Variants in COMMD1 observed in about 807,000 individuals in gnomAD.
COMMD1 encodes copper metabolism domain containing 1, also known as COMM domain-containing protein 1.
A neutral mutation model predicts 17.2 loss-of-function variants in COMMD1; 10 were observed. The ratio of observed to expected loss-of-function variants is 0.58; its 90% CI spans 0.36 to 0.99. The LOEUF (loss-of-function observed/expected upper bound fraction) is 0.99, where lower values mean the gene tolerates loss of function less well. COMMD1 is among the 50% of genes least tolerant of loss of function. COMMD1 has a pLI of 0.01. For synonymous variants in COMMD1, 97 were observed against 91.6 expected (o/e 1.06, Z -0.34); for missense variants, 270 against 231.8 (o/e 1.17, Z -1.07).
intron 1 of COMMD1, among the ~76,000 whole-genome samples, chr2:61,960,882 C>T (rs1221755901): frequency 1.3e-5 from 2 of 152,196 alleles, no homozygotes; most frequent in African/African-American, 2.4e-5. Flanking sequence ...GGCCCTCGGG[C>T]GAGGTTACCT....
At chr2:62,024,189 G>A (rs1193871743) in intron 2 of COMMD1, among the ~76,000 whole-genome samples, 1 of 152,034 alleles carries the variant, frequency 6.6e-6, no homozygotes, top group Non-Finnish European at 1.5e-5. Context: ...GTGATGAAAG[G>A]TGTTCACGGT....
chr2:61,996,179 C>T (rs1038314241), intron 1 of COMMD1, among the ~76,000 whole-genome samples: 2 of 152,266 alleles, frequency 1.3e-5, no homozygotes, highest in African/African-American at 4.8e-5. Flanking sequence ...GCCTGAGTAA[C>T]AGAGACCCCA....
intron 1 of COMMD1, among the ~76,000 whole-genome samples, chr2:61,948,085 CTGAAGACAT>C (rs1457424523): frequency 6.6e-6 from 1 of 151,998 alleles, no homozygotes; most frequent in African/African-American, 2.4e-5. Flanking sequence ...TTGGAAAACT[CTGAAGACAT>C]TGAAGACATA....
chr2:62,091,518 A>G (rs1238687958), intron 2 of COMMD1, among the ~76,000 whole-genome samples: 1 of 152,228 alleles, frequency 6.6e-6, no homozygotes, highest in Non-Finnish European at 1.5e-5. Context: ...ATCCCAGACA[A>G]TTGTTAGGTG....
intron 2 of COMMD1, among the ~76,000 whole-genome samples, chr2:62,109,280 A>T (rs991994803): frequency 3.3e-5 from 5 of 152,132 alleles, no homozygotes; most frequent in African/African-American, 4.8e-5. Context: ...CATTCTGTAA[A>T]CCCTGATATC....
chr2:62,048,361 A>AT (rs999991810), intron 2 of COMMD1, among the ~76,000 whole-genome samples: 6 of 150,372 alleles, frequency 4.0e-5, no homozygotes, highest in Non-Finnish European at 5.9e-5. Flanking sequence ...ATTTTTTTGT[A>AT]TTTTTTTTAG....
At chr2:62,064,055 G>A (rs1670957820) in intron 2 of COMMD1, among the ~76,000 whole-genome samples, 1 of 150,798 alleles carries the variant, frequency 6.6e-6, no homozygotes, top group South Asian at 2.1e-4. Context: ...TCAAAAAATA[G>A]AACAAAATAA....
chr2:61,891,036 G>C (rs554796775), intron 1 of COMMD1, among the ~76,000 whole-genome samples: 11 of 152,260 alleles, frequency 7.2e-5, no homozygotes, highest in Non-Finnish European at 1.3e-4. Context: ...TACTGGATTT[G>C]AGTTTATTAA....
At chr2:61,922,463 G>A (rs952226021) in intron 1 of COMMD1, among the ~76,000 whole-genome samples, 1 of 152,102 alleles carries the variant, frequency 6.6e-6, no homozygotes, top group Admixed American at 6.6e-5. Flanking sequence ...GATTATAGGC[G>A]TGAGCTACTA....
intron 1 of COMMD1, among the ~76,000 whole-genome samples, chr2:61,930,617 T>TTGTG (rs59488185): frequency 0.15 from 21,411 of 145,986 alleles, 1,565 homozygotes; most frequent in African/African-American, 0.16. Context: ...CCACAGGGTT[T>TTGTG]TGTGTGTGTG....
At chr2:62,055,129 G>C (rs746136117) in intron 2 of COMMD1, among the ~76,000 whole-genome samples, 24 of 152,156 alleles carry the variant, frequency 1.6e-4, no homozygotes, top group Non-Finnish European at 2.8e-4. Context: ...AGCTGCATCT[G>C]GTGGCAGGCT....
chr2:61,991,354 C>G (rs1672248992), intron 1 of COMMD1, among the ~76,000 whole-genome samples: 1 of 152,104 alleles, frequency 6.6e-6, no homozygotes, highest in Non-Finnish European at 1.5e-5. Flanking sequence ...TAATGTTGAT[C>G]TGCAACATTT....
At chr2:61,966,544 G>A (rs975375823) in intron 1 of COMMD1, among the ~76,000 whole-genome samples, 1 of 151,942 alleles carries the variant, frequency 6.6e-6, no homozygotes, top group Admixed American at 6.6e-5. Flanking sequence ...TCTATTTTTA[G>A]CTGTGCCAAA....
intron 1 of COMMD1, among the ~76,000 whole-genome samples, chr2:61,889,420 A>G (rs920955073): frequency 6.6e-6 from 1 of 151,964 alleles, no homozygotes; most frequent in African/African-American, 2.4e-5. Flanking sequence ...TGTGTTGCCC[A>G]GGCTGGTCTG....
chr2:61,896,493 A>G (rs956135627), intron 1 of COMMD1, among the ~76,000 whole-genome samples: 1 of 152,114 alleles, frequency 6.6e-6, no homozygotes, highest in Non-Finnish European at 1.5e-5. Flanking sequence ...AGGCAGGAGG[A>G]TCCTTTTGAG....
At position 62,125,128 on chromosome 2, in the gene COMMD1, AT is replaced by A. The variant is rs1239654768; in HGVS notation, c.463-10702del. Among the ~76,000 whole-genome samples, 5 of 152,224 alleles carry A rather than the reference AT, an allele frequency of 3.3e-5. No homozygotes were observed. In the East Asian group the frequency reaches 7.7e-4, roughly 23 times the overall value. ...ATCACTAATTGTCCAGTGATGATTA[AT>A]GTTTTTGTATTACACTAATACTGTA... On this transcript the variant is annotated intron_variant, in intron 2 of 2. Coordinates refer to ENST00000311832, the MANE Select transcript of COMMD1 (RefSeq NM_152516.4).
At chr2:61,903,496 C>A (rs1352248799), upstream of COMMD1, among the ~76,000 whole-genome samples, 1 of 149,644 alleles carries the variant, frequency 6.7e-6, no homozygotes, top group Non-Finnish European at 1.5e-5. Context: ...TTAAAGTAGT[C>A]TAGATGAGTA....
chr2:62,114,718 G>A (rs1411015707), intron 2 of COMMD1, among the ~76,000 whole-genome samples: 1 of 152,138 alleles, frequency 6.6e-6, no homozygotes, highest in East Asian at 1.9e-4. Context: ...CCACTCTGCT[G>A]CACTGGCCAG....
At chr2:62,106,910 G>A (rs1672338832) in intron 2 of COMMD1, among the ~76,000 whole-genome samples, 1 of 152,174 alleles carries the variant, frequency 6.6e-6, no homozygotes, top group Non-Finnish European at 1.5e-5. Context: ...TGCAAGAGTA[G>A]CAACAGTTCC....
Sources: allele counts gnomAD v4.1 joint callset (sites outside exome capture counted in the v4.1 genomes callset), GRCh38; gene constraint gnomAD v4.1.1; transcripts MANE v1.5; gene names NCBI Gene and HGNC (gene_info 2026-07-23, HGNC 2026-07-21).